The following DMTN variants were observed in gnomAD, a reference collection of about 807,000 sequenced individuals.
DMTN encodes the protein dematin.
Under a neutral mutation model 59.4 loss-of-function variants are expected in DMTN, and 27 were observed. The observed-to-expected ratio is 0.45, with a 90% CI of 0.33 to 0.63. The LOEUF (loss-of-function observed/expected upper bound fraction) is 0.63, where lower values mean the gene tolerates loss of function less well. DMTN is among the 20% of genes least tolerant of loss of function. The pLI is 0.02. For missense variants in DMTN, 451 were observed against 528.9 expected, an observed-to-expected ratio of 0.85 and a Z score of 1.45; for synonymous variants, 221 against 203.7, an observed-to-expected ratio of 1.08 and a Z score of -0.72.
At chr8:22,069,201 C>A (rs949391765) in intron 5 of DMTN, 141 bp downstream of exon 5, 1 of 1,052,040 alleles carries the variant, frequency 9.5e-7, no homozygotes, top group Non-Finnish European at 1.4e-6. Flanking sequence ...CTGGCCAGCT[C>A]TGTGTCCATC....
At chr8:22,068,646 G>A (rs1812702179) in intron 4 of DMTN, among the ~76,000 whole-genome samples, 1 of 151,862 alleles carries the variant, frequency 6.6e-6, no homozygotes, top group South Asian at 2.1e-4. Context: ...AGGAAAGAGG[G>A]AAGGAAGGGA....
At chr8:22,071,328 C>T (rs1295705403) in intron 8 of DMTN, among the ~76,000 whole-genome samples, 2 of 151,696 alleles carry the variant, frequency 1.3e-5, no homozygotes, top group East Asian at 3.9e-4. Context: ...AAACTCCTGA[C>T]CTCCAGTGAT....
At chr8:22,062,378 A>G (rs1807212465) in intron 1 of DMTN, among the ~76,000 whole-genome samples, 1 of 152,286 alleles carries the variant, frequency 6.6e-6, no homozygotes, top group East Asian at 1.9e-4. Context: ...GGTTATAGGC[A>G]TAAGCCACTG....
At position 22,070,186 on chromosome 8, in the gene DMTN, C is replaced by G. The variant is rs766295458; in HGVS notation, c.456C>G (p.Ser152=). The stretch of plus-strand genomic sequence containing the variant: ...GACCCTGGCCTTTGTCTGCAGAGTC[C>G]GTGGGAGGCAGCCCTCAGACCAAGC... ...KKPPIYKQRE[S]VGGSPQTKHL... is the part of the protein sequence containing the mutation. The change falls in exon 8 of 16, where the codon TCC becomes TCG. Residue 152 remains serine, a synonymous_variant. Transcript: ENST00000358242. The G allele has an allele frequency of 1.9e-6, 3 of 1,588,512 alleles. No individual in the cohort carries two copies. The highest frequency in any genetic ancestry group is 2.6e-6 in the Non-Finnish European group (3 of 1,166,176).
Position 22,080,352 on chromosome 8 carries a change from G to A in DMTN, c.901-60G>A, listed in dbSNP as rs115656465. 491 of 1,613,698 alleles carry A rather than the reference G, an allele frequency of 3.0e-4. 1 individual carries two copies. In the African/African-American group the frequency reaches 5.8e-3, roughly 19 times the overall value. ...CTCAGGGAGCGGGGAGACCCCCAAA[G>A]TGAAGGGGACCAAAGGTGAATATCC... On this transcript the variant is annotated intron_variant, in intron 11 of 15. Coordinates refer to ENST00000358242, the MANE Select transcript of DMTN (RefSeq NM_001387751.1).
intron 4 of DMTN, among the ~76,000 whole-genome samples, chr8:22,068,723 G>A (rs922991): frequency 0.87 from 132,266 of 151,450 alleles, 59,033 homozygotes; most frequent in East Asian, 0.98. Flanking sequence ...GATGAGAGCG[G>A]GAGAGAGGAG....
rs574881704 is a variant in DMTN at position 22,068,814 on chromosome 8, C to T, written c.250-202C>T. ...CCCCAGGAGTACTGAGCAAGGCTCGCGTGCTTCTCTGTGCCTCCTGTGGGA... is the reference window on the plus strand; with the variant it reads ...CCCCAGGAGTACTGAGCAAGGCTCGTGTGCTTCTCTGTGCCTCCTGTGGGA... On this transcript the variant is annotated intron_variant, in intron 4 of 15. Transcript: ENST00000358242. 4.6e-5 allele frequency among the ~76,000 whole-genome samples: 7 copies of T among 152,206 alleles called. No homozygotes were observed. The East Asian group carries it at 9.7e-4, about 21-fold the overall frequency.
chr8:22,076,231 G>GTCT (rs1469339029), intron 10 of DMTN, among the ~76,000 whole-genome samples: 7 of 152,190 alleles, frequency 4.6e-5, no homozygotes, highest in South Asian at 4.1e-4. Context: ...GAGCTTGAGG[G>GTCT]TCTTCAGCTT....
chr8:22,068,972 G>A (rs1432860581), intron 4 of DMTN, 44 bp from the exon 5 acceptor site: 2 of 1,607,970 alleles, frequency 1.2e-6, no homozygotes, highest in South Asian at 1.1e-5. Flanking sequence ...GGAAGAGGCT[G>A]AATCTGCCCC....
intron 8 of DMTN, among the ~76,000 whole-genome samples, chr8:22,070,779 G>C (rs148729980): frequency 2.6e-5 from 4 of 152,200 alleles, no homozygotes; most frequent in Non-Finnish European, 4.4e-5. Flanking sequence ...ATTGTTATCT[G>C]AATACTGCAC....
At chr8:22,059,979 T>C (rs1286924439) in intron 1 of DMTN, among the ~76,000 whole-genome samples, 1 of 138,746 alleles carries the variant, frequency 7.2e-6, no homozygotes, top group Non-Finnish European at 1.6e-5. Context: ...GAGAGGGTGG[T>C]GGGTGAGGTG....
In DMTN at chr8:22,060,432, C is replaced by T. The variant is rs77996492; in HGVS notation, c.-172+3296C>T. Among the ~76,000 whole-genome samples, 1 of 145,496 alleles carries T rather than the reference C, an allele frequency of 6.9e-6. No individual in the cohort carries two copies. Among genetic ancestry groups the T allele is most frequent in the Non-Finnish European group, 1.5e-5 (1 of 67,856 alleles). On this transcript the variant is annotated intron_variant, in intron 1 of 15. Transcript: ENST00000358242. This position sits in a 1 kb window ranked among gnomAD's most constrained non-coding sequence, Gnocchi z 5.0. The stretch of plus-strand genomic sequence containing the variant: ...TGTCTCGCTCTCTCTCTCTCTCTCT[C>T]CCCCTCACACATGCGCACGCACACA...
intron 10 of DMTN, among the ~76,000 whole-genome samples, chr8:22,079,419 TC>T (rs1222983361): frequency 6.7e-6 from 1 of 149,554 alleles, no homozygotes; most frequent in East Asian, 2.0e-4. Flanking sequence ...CCACTGCACT[TC>T]AGCCTGGATG....
chr8:22,070,325 G>A lies in DMTN; in HGVS notation c.595G>A (p.Ala199Thr). Residue 199 changes from alanine (A) to threonine (T), a missense_variant, in exon 8 of 16, where the codon GCT becomes ACT. Physicochemically the swap from Ala to Thr is moderately conservative, Grantham distance 58. Transcript: ENST00000358242. ...TDYWPCPPSL[A>T]VVETEWRKRK... ...CTACTGGCCATGCCCCCCGTCTCTG[G>A]CTGTTGTGGGTAGGAGAGATGGGGA... The A allele has an allele frequency of 6.2e-7, 1 of 1,608,662 alleles. No homozygotes were observed. The highest frequency in any genetic ancestry group is 8.5e-7 in the Non-Finnish European group (1 of 1,177,008).
At chr8:22,066,936 G>C in intron 2 of DMTN, 43 bp downstream of exon 2, 1 of 1,234,070 alleles carries the variant, frequency 8.1e-7, no homozygotes, top group Non-Finnish European at 1.0e-6. Flanking sequence ...AGGGCGGGTG[G>C]GGGCCGCTTG....
chr8:22,081,510 G>C lies in DMTN; in HGVS notation c.*47G>C, dbSNP rs772497283. ...CGGCCCCCTTACCCCTGCTGCTTCA[G>C]GGTTTTTCCCCGGCGGGTTGGGAGG... is the stretch of plus-strand genomic sequence containing the variant. On this transcript the variant is annotated 3_prime_UTR_variant, in exon 16 of 16. Transcript: ENST00000358242. 6.4e-7 allele frequency: 1 copy of C among 1,569,020 alleles called. No homozygotes were observed. Among genetic ancestry groups the C allele is most frequent in the Non-Finnish European group, 8.8e-7 (1 of 1,139,698 alleles).
chr8:22,068,138 G>A (rs377756918), intron 4 of DMTN, among the ~76,000 whole-genome samples: 11 of 152,202 alleles, frequency 7.2e-5, no homozygotes, highest in Admixed American at 1.3e-4. Flanking sequence ...ACAGGGTAGC[G>A]TCGTGGCTGA....
upstream of DMTN, among the ~76,000 whole-genome samples, chr8:22,054,125 G>GACACACAC (rs1161364821): frequency 1.7e-5 from 2 of 119,874 alleles, no homozygotes; most frequent in Admixed American, 7.8e-5. Flanking sequence ...CACACACACA[G>GACACACAC]ACACACACAC....
At position 22,066,874 on chromosome 8, in the gene DMTN, G is replaced by A. The variant is rs1811042772; in HGVS notation, c.-2G>A. 3 of 1,347,962 alleles carry A rather than the reference G, an allele frequency of 2.2e-6. No individual in the cohort carries two copies. Among genetic ancestry groups the A allele is most frequent in the South Asian group, 3.6e-5 (2 of 55,490 alleles). 83.5% of individuals were successfully genotyped at this position (1,347,962 alleles called of 1,614,324 possible). A position where few individuals can be genotyped will look rare whatever the true frequency, so the allele number is the denominator to read the frequency against. ...TGACCCGGCGGGCGAGCTCCGTGCT[G>A]CATGGAACGGCTGCAGAAGGTGCGC... is the stretch of plus-strand genomic sequence containing the variant. On this transcript the variant is annotated 5_prime_UTR_variant, in exon 2 of 16. Coordinates refer to ENST00000358242, the MANE Select transcript of DMTN (RefSeq NM_001387751.1).
Sources: gnomAD v4.1 joint callset for allele counts (sites outside exome capture counted in the v4.1 genomes callset) on GRCh38, gnomAD v4.1.1 for gene constraint, Gnocchi (gnomAD v3.1) non-coding constraint, MANE v1.5 for transcripts, NCBI Gene and HGNC (gene_info 2026-07-23, HGNC 2026-07-21) for gene names.